Variants in CNTN4 observed in about 807,000 individuals in gnomAD.
CNTN4 encodes contactin 4, also known as contactin-4.
Under a neutral mutation model 122.5 loss-of-function variants are expected in CNTN4, and 77 were observed. The ratio of observed to expected loss-of-function variants is 0.63; its 90% CI spans 0.52 to 0.76. The LOEUF is 0.76. CNTN4 is among the 30% of genes least tolerant of loss of function. The pLI, the probability that CNTN4 is intolerant of heterozygous loss-of-function variation, is 0.00. For missense variants in CNTN4, 1,256 were observed against 1,259.1 expected, an observed-to-expected ratio of 1.00 and a Z score of 0.04; for synonymous variants, 512 against 447.0, an observed-to-expected ratio of 1.15 and a Z score of -1.83.
At chr3:2,857,331 G>A (rs2093627934) in intron 7 of CNTN4, among the ~76,000 whole-genome samples, 1 of 152,066 alleles carries the variant, frequency 6.6e-6, no homozygotes, top group Non-Finnish European at 1.5e-5. Flanking sequence ...GCTGTCAAAG[G>A]GTATCCATGC....
chr3:2,834,483 C>T (rs1184503031), intron 7 of CNTN4, among the ~76,000 whole-genome samples: 3 of 152,064 alleles, frequency 2.0e-5, no homozygotes, highest in Non-Finnish European at 2.9e-5. Flanking sequence ...AGGAGAATTG[C>T]TTGAACCCAG....
intron 4 of CNTN4, among the ~76,000 whole-genome samples, chr3:2,616,178 T>A (rs78019322): frequency 6.6e-6 from 1 of 150,998 alleles, no homozygotes; most frequent in Non-Finnish European, 1.5e-5. Context: ...CCAGTGTGTG[T>A]TGTTCCCCTC....
At chr3:2,341,011 C>G (rs1401554876) in intron 3 of CNTN4, among the ~76,000 whole-genome samples, 4 of 152,006 alleles carry the variant, frequency 2.6e-5, no homozygotes, top group Admixed American at 2.0e-4. Flanking sequence ...TCCCTCTCCT[C>G]CAGCAGGAAC....
In CNTN4 at chr3:2,658,867, A is replaced by G. The variant is rs141095020; in HGVS notation, c.56-77348A>G. 3.4e-3 allele frequency among the ~76,000 whole-genome samples: 513 copies of G among 152,094 alleles called. 5 individuals carry two copies. Among genetic ancestry groups the G allele is most frequent in the African/African-American group, 0.012 (484 of 41,464 alleles). ...AGAGCATGTTCAAGGTTCTAGGTCC[A>G]GAAAGGGATAAGCTGCAAATCATGA... On this transcript the variant is annotated intron_variant, in intron 4 of 24. Coordinates refer to ENST00000418658, the MANE Select transcript of CNTN4 (RefSeq NM_175607.3).
At chr3:2,154,483 G>C (rs1258830537) in intron 2 of CNTN4, among the ~76,000 whole-genome samples, 1 of 152,100 alleles carries the variant, frequency 6.6e-6, no homozygotes, top group African/African-American at 2.4e-5. Flanking sequence ...TTTCGCTCAA[G>C]TGACATTAGA....
chr3:2,575,282 C>T (rs575011105), intron 4 of CNTN4, among the ~76,000 whole-genome samples: 2 of 152,060 alleles, frequency 1.3e-5, no homozygotes, highest in Non-Finnish European at 2.9e-5. Context: ...GGAGGCAAAG[C>T]GGGCGGACCA....
At chr3:2,879,608 A>C (rs533536413) in intron 8 of CNTN4, among the ~76,000 whole-genome samples, 39 of 150,964 alleles carry the variant, frequency 2.6e-4, no homozygotes, top group Non-Finnish European at 3.8e-4. Flanking sequence ...CACATATTGC[A>C]CAATTTAATT....
At chr3:2,329,410 T>C (rs1168846980) in intron 2 of CNTN4, among the ~76,000 whole-genome samples, 1 of 152,246 alleles carries the variant, frequency 6.6e-6, no homozygotes, top group African/African-American at 2.4e-5. Flanking sequence ...TGTCACCCAC[T>C]GCATAGTTAT....
At position 2,474,170 on chromosome 3, in the gene CNTN4, C is replaced by G. The variant is rs1028872731; in HGVS notation, c.-88-97246C>G. On this transcript the variant is annotated intron_variant, in intron 3 of 24. Coordinates refer to ENST00000418658, the MANE Select transcript of CNTN4 (RefSeq NM_175607.3). Reference sequence around the variant, plus strand: ...GTTTAGATACCCTTTCTATGCTGTTCTTTTTACATAGGGCTTCCCTTAGCA... The same window carrying G: ...GTTTAGATACCCTTTCTATGCTGTTGTTTTTACATAGGGCTTCCCTTAGCA... 4.1e-4 allele frequency among the ~76,000 whole-genome samples: 63 copies of G among 152,166 alleles called. 1 individual carries two copies. The highest frequency in any genetic ancestry group is 1.4e-3 in the African/African-American group (59 of 41,528).
intron 3 of CNTN4, among the ~76,000 whole-genome samples, chr3:2,473,771 G>T (rs1471146574): frequency 6.6e-6 from 1 of 152,076 alleles, no homozygotes. Context: ...CCAGCACTTT[G>T]GGAGGCCGAG....
chr3:2,822,450 A>C (rs1318656019), intron 7 of CNTN4, among the ~76,000 whole-genome samples: 1 of 152,150 alleles, frequency 6.6e-6, no homozygotes, highest in Non-Finnish European at 1.5e-5. Flanking sequence ...CCTGTCCTTT[A>C]TATGAGAAAA....
rs1417481317 is a variant in CNTN4 at position 2,983,201 on chromosome 3, G to A, written c.1359-5144G>A. On this transcript the variant is annotated intron_variant, in intron 13 of 24. Coordinates refer to ENST00000418658, the MANE Select transcript of CNTN4 (RefSeq NM_175607.3). ...TGCACTCCAGCCTGGGTGACAGAGC[G>A]AGACTCCATCTCAAAAAAAAAAAAA... Among the ~76,000 whole-genome samples, 76 of 100,176 alleles carry A rather than the reference G, an allele frequency of 7.6e-4. 1 individual carries two copies. The Admixed American group carries it at 8.1e-3, about 11-fold the overall frequency. The allele number at this position is 100,176 out of a possible 152,430, so 65.7% of individuals were successfully genotyped here.
chr3:2,450,504 A>G (rs545133956), intron 3 of CNTN4, among the ~76,000 whole-genome samples: 2 of 152,326 alleles, frequency 1.3e-5, no homozygotes, highest in Middle Eastern at 3.4e-3. Flanking sequence ...ATGATTCTCA[A>G]TATTGCACTT....
chr3:2,470,310 C>A (rs1465425360), intron 3 of CNTN4, among the ~76,000 whole-genome samples: 1 of 152,068 alleles, frequency 6.6e-6, no homozygotes, highest in South Asian at 2.1e-4. Context: ...CTCCTGACCT[C>A]ATGATTCACC....
At chr3:2,950,194 A>G (rs561350472) in intron 13 of CNTN4, among the ~76,000 whole-genome samples, 6 of 152,338 alleles carry the variant, frequency 3.9e-5, no homozygotes, top group Non-Finnish European at 7.3e-5. Flanking sequence ...AAGGGTAGCT[A>G]GCACTGGAGT....
At chr3:3,000,162 G>A (rs922739021) in intron 14 of CNTN4, among the ~76,000 whole-genome samples, 3 of 151,750 alleles carry the variant, frequency 2.0e-5, no homozygotes, top group Non-Finnish European at 4.4e-5. Flanking sequence ...TCATTTATGA[G>A]TCTACAATAT....
intron 2 of CNTN4, among the ~76,000 whole-genome samples, chr3:2,338,009 T>G (rs2044025087): frequency 1.3e-5 from 2 of 152,114 alleles, no homozygotes; most frequent in South Asian, 4.1e-4. Flanking sequence ...ACTGACCATA[T>G]TAAAACCAAA....
chr3:2,859,632 C>T (rs1660132801), intron 7 of CNTN4, among the ~76,000 whole-genome samples: 1 of 151,758 alleles, frequency 6.6e-6, no homozygotes, highest in African/African-American at 2.4e-5. Context: ...CTCACTGATA[C>T]AGTTCTGAGA....
intron 2 of CNTN4, chr3:2,262,256 C>T (rs562964831): frequency 9.9e-5 from 15 of 152,190 alleles, no homozygotes; most frequent in Non-Finnish European, 1.6e-4. Context: ...TTTCTCCTTT[C>T]TTTCCAACTT....
Sources: allele counts gnomAD v4.1 joint callset (sites outside exome capture counted in the v4.1 genomes callset), GRCh38; gene constraint gnomAD v4.1.1; transcripts MANE v1.5; gene names NCBI Gene and HGNC (gene_info 2026-07-23, HGNC 2026-07-21).